Variants in IRAK1BP1 observed in about 807,000 individuals in gnomAD.
IRAK1BP1 encodes the protein interleukin-1 receptor-associated kinase 1-binding protein 1.
In IRAK1BP1, 24 loss-of-function variants were observed where a neutral mutation model predicts 28.0. That is an observed-to-expected ratio of 0.86 (90% CI 0.62 to 1.20). IRAK1BP1 has a LOEUF of 1.20. Ranked by LOEUF, IRAK1BP1 falls within the 50% of genes most tolerant of loss-of-function variation. The probability of loss-of-function intolerance (pLI) is 0.00; values close to 1 mark genes in which losing one functional copy is unlikely to be tolerated. For missense variants in IRAK1BP1, 336 were observed against 316.7 expected, an observed-to-expected ratio of 1.06 and a Z score of -0.46; for synonymous variants, 131 against 116.3, an observed-to-expected ratio of 1.13 and a Z score of -0.81.
chr6:78,952,571 T>TAC, the IRAK1BP1 span, among the ~76,000 whole-genome samples: 3 of 152,100 alleles, frequency 2.0e-5, no homozygotes, highest in African/African-American at 7.2e-5. Context: ...TATCTACCAC[T>TAC]ACCTCTTACC....
At chr6:78,875,901 G>A (rs1770986252) in intron 1 of IRAK1BP1, among the ~76,000 whole-genome samples, 1 of 152,052 alleles carries the variant, frequency 6.6e-6, no homozygotes, top group Non-Finnish European at 1.5e-5. Context: ...TAGATGAGAT[G>A]TTTTCCCAGA....
chr6:78,895,645 G>A (rs931152095), intron 2 of IRAK1BP1, among the ~76,000 whole-genome samples: 1 of 152,012 alleles, frequency 6.6e-6, no homozygotes, highest in African/African-American at 2.4e-5. Flanking sequence ...AAAATCACAT[G>A]ATTATCTCAA....
intron 2 of IRAK1BP1, among the ~76,000 whole-genome samples, chr6:78,889,341 A>G (rs1010204349): frequency 2.0e-5 from 3 of 152,050 alleles, no homozygotes; most frequent in African/African-American, 4.8e-5. Context: ...AACCTAGGCA[A>G]TACCATTCAG....
chr6:78,873,659 C>T (rs574837410), intron 1 of IRAK1BP1, among the ~76,000 whole-genome samples: 9 of 152,056 alleles, frequency 5.9e-5, no homozygotes, highest in Admixed American at 1.3e-4. Context: ...TTTATAGAGA[C>T]GGGGTCTTAC....
At chr6:78,934,177 A>G in intron 4 of IRAK1BP1, among the ~76,000 whole-genome samples, 1 of 152,214 alleles carries the variant, frequency 6.6e-6, no homozygotes, top group East Asian at 1.9e-4. Context: ...AACATGTATT[A>G]ACTATCTTAT....
intron 4 of IRAK1BP1, among the ~76,000 whole-genome samples, chr6:78,923,331 C>T (rs998884336): frequency 8.6e-5 from 13 of 151,942 alleles, no homozygotes; most frequent in African/African-American, 2.9e-4. Context: ...AAGGCCTTTA[C>T]ATAATGGTAA....
intron 4 of IRAK1BP1, among the ~76,000 whole-genome samples, chr6:78,916,078 T>A (rs978131137): frequency 1.3e-5 from 2 of 152,178 alleles, no homozygotes; most frequent in Non-Finnish European, 2.9e-5. Flanking sequence ...AAGGGCCCAG[T>A]TACAGAATTT....
downstream of IRAK1BP1, among the ~76,000 whole-genome samples, chr6:78,950,411 T>C (rs1774077349): frequency 6.6e-6 from 1 of 152,208 alleles, no homozygotes; most frequent in Non-Finnish European, 1.5e-5. Context: ...GAAGAGATTG[T>C]GTAGAATTTG....
At chr6:78,889,060 T>C (rs969217056) in intron 2 of IRAK1BP1, among the ~76,000 whole-genome samples, 1 of 138,542 alleles carries the variant, frequency 7.2e-6, no homozygotes, top group East Asian at 2.1e-4. Context: ...GAGGTTCCAA[T>C]GAGTCAAGAT....
chr6:78,922,174 G>T (rs1191979882), intron 4 of IRAK1BP1, among the ~76,000 whole-genome samples: 1 of 152,082 alleles, frequency 6.6e-6, no homozygotes, highest in Non-Finnish European at 1.5e-5. Flanking sequence ...TAAAAGTCTT[G>T]AAAAAAGATT....
chr6:78,890,589 T>A (rs1365827947), intron 2 of IRAK1BP1, among the ~76,000 whole-genome samples: 2 of 152,088 alleles, frequency 1.3e-5, no homozygotes, highest in African/African-American at 4.8e-5. Context: ...ATATTGGAAA[T>A]GTTAGAACCC....
chr6:78,905,628 A>T (rs1772242201), downstream of IRAK1BP1, among the ~76,000 whole-genome samples: 1 of 151,988 alleles, frequency 6.6e-6, no homozygotes, highest in Admixed American at 6.6e-5. Context: ...TTGAGATTGA[A>T]TCTTGCTCTG....
intron 4 of IRAK1BP1, among the ~76,000 whole-genome samples, chr6:78,922,953 C>G (rs1274595332): frequency 1.3e-5 from 2 of 152,134 alleles, no homozygotes; most frequent in Non-Finnish European, 2.9e-5. Flanking sequence ...CAATCGGTAC[C>G]AGCCACTGCA....
At chr6:78,892,562 A>G (rs1771700049) in intron 2 of IRAK1BP1, among the ~76,000 whole-genome samples, 1 of 152,116 alleles carries the variant, frequency 6.6e-6, no homozygotes, top group Non-Finnish European at 1.5e-5. Flanking sequence ...CTGTATTTCT[A>G]GTCTATAAAA....
At chr6:78,954,692 A>C in the IRAK1BP1 span, 1 of 636,500 alleles carries the variant, frequency 1.6e-6, no homozygotes, top group Non-Finnish European at 2.5e-6. Context: ...GGATAATGAG[A>C]ACATGTATAA....
chr6:78,946,892 A>C, downstream of IRAK1BP1: 2 of 1,527,904 alleles, frequency 1.3e-6, no homozygotes, highest in Non-Finnish European at 1.8e-6. Context: ...GGAAAAAAAA[A>C]AGTGTTCAAC....
intron 1 of IRAK1BP1, among the ~76,000 whole-genome samples, chr6:78,882,235 G>C (rs1221365355): frequency 6.6e-6 from 1 of 152,108 alleles, no homozygotes; most frequent in African/African-American, 2.4e-5. Flanking sequence ...GTAAGAAAGT[G>C]CTCAAAAAGT....
intron 4 of IRAK1BP1, among the ~76,000 whole-genome samples, chr6:78,927,220 T>C (rs1425563751): frequency 6.6e-6 from 1 of 152,114 alleles, no homozygotes; most frequent in Non-Finnish European, 1.5e-5. Flanking sequence ...TTATTGCCTG[T>C]CTTTTGGATA....
At chr6:78,971,656 G>A in the IRAK1BP1 span, among the ~76,000 whole-genome samples, 1 of 152,128 alleles carries the variant, frequency 6.6e-6, no homozygotes, top group African/African-American at 2.4e-5. Context: ...AGTGGGCGCA[G>A]GTCAGTGGGT....
Sources: gnomAD v4.1 joint callset for allele counts (sites outside exome capture counted in the v4.1 genomes callset) on GRCh38, gnomAD v4.1.1 for gene constraint, MANE v1.5 for transcripts, NCBI Gene and HGNC (gene_info 2026-07-23, HGNC 2026-07-21) for gene names.